PPP1R16B: variants seen among roughly 807,000 people sequenced by gnomAD.
The protein encoded by PPP1R16B is protein phosphatase 1 regulatory subunit 16B, also known as protein phosphatase 1 regulatory inhibitor subunit 16B.
Under a neutral mutation model 61.7 loss-of-function variants are expected in PPP1R16B, and 14 were observed. The observed-to-expected ratio is 0.23, with a 90% CI of 0.15 to 0.35. The LOEUF is 0.35. Among genes scored for constraint, PPP1R16B ranks in the 10% least tolerant of loss-of-function variants. The probability of loss-of-function intolerance (pLI) is 1.00; values close to 1 mark genes in which losing one functional copy is unlikely to be tolerated. For synonymous variants in PPP1R16B, 266 were observed against 305.3 expected, an observed-to-expected ratio of 0.87 and a Z score of 1.34; for missense variants, 547 against 752.5, an observed-to-expected ratio of 0.73 and a Z score of 3.19.
At chr20:38,890,762 TC>T (rs1163839466) in intron 3 of PPP1R16B, among the ~76,000 whole-genome samples, 1 of 152,194 alleles carries the variant, frequency 6.6e-6, no homozygotes, top group East Asian at 1.9e-4. Flanking sequence ...CACCAAAGCC[TC>T]CCTGTGCCCG....
At chr20:38,809,985 G>GAAAA (rs11086731) in intron 1 of PPP1R16B, among the ~76,000 whole-genome samples, 13 of 80,120 alleles carry the variant, frequency 1.6e-4, no homozygotes, top group South Asian at 5.5e-4. Flanking sequence ...ACCTTGTTTC[G>GAAAA]AAAAAAAAAA....
intron 5 of PPP1R16B, among the ~76,000 whole-genome samples, chr20:38,901,324 G>T (rs1181466315): frequency 6.6e-6 from 1 of 152,216 alleles, no homozygotes; most frequent in African/African-American, 2.4e-5. Context: ...CTTGTTCCTT[G>T]CACCCAGATC....
At chr20:38,839,427 C>A (rs892012101) in intron 2 of PPP1R16B, among the ~76,000 whole-genome samples, 1 of 152,196 alleles carries the variant, frequency 6.6e-6, no homozygotes, top group Non-Finnish European at 1.5e-5. Context: ...ATACATTCTT[C>A]TTGTAAAAAT....
At chr20:38,895,303 CAG>C (rs1028214072) in intron 3 of PPP1R16B, among the ~76,000 whole-genome samples, 14 of 152,340 alleles carry the variant, frequency 9.2e-5, no homozygotes, top group African/African-American at 2.9e-4. Context: ...TTATAGCTGA[CAG>C]AGTGTTTTTT....
At position 38,921,176 on chromosome 20, in the gene PPP1R16B, T is replaced by C. The variant is rs1383837277; in HGVS notation, c.*2510T>C. On this transcript the variant is annotated 3_prime_UTR_variant, in exon 11 of 11. Coordinates refer to ENST00000299824, the MANE Select transcript of PPP1R16B (RefSeq NM_015568.4). The stretch of plus-strand genomic sequence containing the variant: ...ACACAGGTGACTCTCAGGCATTGGC[T>C]CATGTTTTCAGCCAGGGATAAACCA... The C allele has an allele frequency of 3.3e-5, 5 of 152,208 alleles. No homozygotes were observed. Among genetic ancestry groups the C allele is most frequent in the African/African-American group, 1.2e-4 (5 of 41,458 alleles). 9.4% of individuals were successfully genotyped at this position (152,208 alleles called of 1,614,324 possible).
intron 4 of PPP1R16B, among the ~76,000 whole-genome samples, chr20:38,899,495 C>T (rs1012416381): frequency 6.6e-6 from 1 of 152,204 alleles, no homozygotes; most frequent in East Asian, 1.9e-4. Context: ...GCATTTTATT[C>T]CCATGGTCCC....
At chr20:38,869,524 T>A (rs867921048) in intron 2 of PPP1R16B, among the ~76,000 whole-genome samples, 66 of 152,204 alleles carry the variant, frequency 4.3e-4, no homozygotes, top group African/African-American at 1.5e-3. Context: ...TTTTATATCC[T>A]CACCAGCAGT....
Position 38,892,838 on chromosome 20 carries a change from C to T in PPP1R16B, c.322-2727C>T, listed in dbSNP as rs530190606. On this transcript the variant is annotated intron_variant, in intron 3 of 10. Coordinates refer to ENST00000299824, the MANE Select transcript of PPP1R16B (RefSeq NM_015568.4). ...AAGAATAAGGCAGAACATTCAAAGC[C>T]GAGGGAATAGCATGTGCAAAGCCTT... is the stretch of plus-strand genomic sequence containing the variant. Among the ~76,000 whole-genome samples, 5 of 152,248 alleles carry T rather than the reference C, an allele frequency of 3.3e-5. No individual in the cohort carries two copies. The East Asian group carries it at 7.7e-4, about 24-fold the overall frequency.
intron 1 of PPP1R16B, among the ~76,000 whole-genome samples, chr20:38,809,985 GAAAAAAAAA>G (rs11086731): frequency 6.2e-5 from 5 of 80,150 alleles, no homozygotes; most frequent in African/African-American, 1.9e-4. Flanking sequence ...ACCTTGTTTC[GAAAAAAAAA>G]AAAAAAAAAA....
chr20:38,873,468 T>C (rs1444899741), intron 2 of PPP1R16B, among the ~76,000 whole-genome samples: 1 of 152,170 alleles, frequency 6.6e-6, no homozygotes, highest in African/African-American at 2.4e-5. Flanking sequence ...TAACAACAGA[T>C]GTCTGTGTTC....
intron 1 of PPP1R16B, among the ~76,000 whole-genome samples, chr20:38,830,996 T>C (rs531107020): frequency 6.6e-6 from 1 of 152,316 alleles, no homozygotes; most frequent in Non-Finnish European, 1.5e-5. Context: ...GTGTTCAGGA[T>C]CTTAGGGCTG....
intron 2 of PPP1R16B, among the ~76,000 whole-genome samples, chr20:38,852,921 C>G (rs2084979404): frequency 6.6e-6 from 1 of 151,704 alleles, no homozygotes; most frequent in African/African-American, 2.4e-5. Flanking sequence ...TTACAGGTGC[C>G]AACCACCACG....
At chr20:38,864,764 C>T (rs1193154796) in intron 2 of PPP1R16B, among the ~76,000 whole-genome samples, 4 of 152,132 alleles carry the variant, frequency 2.6e-5, no homozygotes, top group Admixed American at 6.5e-5. Context: ...GGGTGTAGGG[C>T]CTAGGTACCA....
intron 2 of PPP1R16B, among the ~76,000 whole-genome samples, chr20:38,852,747 CT>C (rs1185726609): frequency 0.018 from 561 of 31,508 alleles, 2 homozygotes; most frequent in Admixed American, 0.056. Flanking sequence ...CCACTGTTTC[CT>C]TTTTTTTTTT....
intron 2 of PPP1R16B, among the ~76,000 whole-genome samples, chr20:38,845,727 C>T (rs2084932280): frequency 6.6e-6 from 1 of 151,884 alleles, no homozygotes; most frequent in Non-Finnish European, 1.5e-5. Flanking sequence ...GCATACTGAC[C>T]GTAGAAGACT....
chr20:38,882,063 G>A (rs1216294541), intron 2 of PPP1R16B, among the ~76,000 whole-genome samples: 1 of 152,208 alleles, frequency 6.6e-6, no homozygotes, highest in Non-Finnish European at 1.5e-5. Flanking sequence ...TTTAATAACA[G>A]CAGGTTACTT....
intron 2 of PPP1R16B, among the ~76,000 whole-genome samples, chr20:38,874,585 C>T (rs552391377): frequency 2.0e-5 from 3 of 152,146 alleles, no homozygotes; most frequent in Non-Finnish European, 4.4e-5. Flanking sequence ...CAACAGTGTG[C>T]TTTGATGGCT....
intron 2 of PPP1R16B, among the ~76,000 whole-genome samples, chr20:38,842,676 T>A (rs1455368856): frequency 2.0e-5 from 3 of 152,150 alleles, no homozygotes; most frequent in African/African-American, 7.2e-5. Context: ...CAGTCATCCC[T>A]GCCACCTGCA....
chr20:38,809,186 G>A (rs556987743), intron 1 of PPP1R16B, among the ~76,000 whole-genome samples: 94 of 150,772 alleles, frequency 6.2e-4, no homozygotes, highest in African/African-American at 1.7e-3. Context: ...GAGTGAGTGC[G>A]ACCCTGTCTC....
Sources: allele counts gnomAD v4.1 joint callset (sites outside exome capture counted in the v4.1 genomes callset), GRCh38; gene constraint gnomAD v4.1.1; transcripts MANE v1.5; gene names NCBI Gene and HGNC (gene_info 2026-07-23, HGNC 2026-07-21).